The following PLB1 variants were observed in gnomAD, a reference collection of about 807,000 sequenced individuals.
The protein encoded by PLB1 is phospholipase B1, also known as phospholipase B1, membrane-associated.
PLB1 carries 242 observed loss-of-function variants against 227.4 expected under a neutral mutation model. The observed-to-expected ratio is 1.06, with a 90% CI of 0.96 to 1.18. The LOEUF is 1.18. Ranked by LOEUF, PLB1 falls within the 50% of genes most tolerant of loss-of-function variation. The probability of loss-of-function intolerance (pLI) is 0.00; values close to 1 mark genes in which losing one functional copy is unlikely to be tolerated. For missense variants in PLB1, 1,858 were observed against 1,816.3 expected, an observed-to-expected ratio of 1.02 and a Z score of -0.42; for synonymous variants, 757 against 682.2, an observed-to-expected ratio of 1.11 and a Z score of -1.71.
rs577106663 is a variant in PLB1, at chr2:28,584,325, A to G, written c.1734-1436A>G. Among the ~76,000 whole-genome samples the G allele has an allele frequency of 2.0e-5, 3 of 152,322 alleles. No homozygotes were observed. The South Asian group carries it at 6.2e-4, about 32-fold the overall frequency. On this transcript the variant is annotated intron_variant, in intron 25 of 57. Transcript: ENST00000327757. ...GACCCAAACCGCACAGGTCCCCTGG[A>G]GAAGGCCTCACGGTGCTGTGAGCAG...
chr2:28,546,822 C>G (rs933779843), intron 14 of PLB1, among the ~76,000 whole-genome samples: 3 of 152,074 alleles, frequency 2.0e-5, no homozygotes, highest in Non-Finnish European at 2.9e-5. Context: ...AAAATAGACT[C>G]TGCTTTATCC....
chr2:28,611,409 G>A (rs1413297629), intron 43 of PLB1, among the ~76,000 whole-genome samples: 1 of 152,202 alleles, frequency 6.6e-6, no homozygotes, highest in Non-Finnish European at 1.5e-5. Context: ...CCTAAGCTGA[G>A]TCTGGGCTCC....
Position 28,496,123 on chromosome 2 carries a change from G to A in PLB1, c.9G>A (p.Leu3=). 1 of 1,614,106 alleles carries A rather than the reference G, an allele frequency of 6.2e-7. No individual in the cohort carries two copies. Among genetic ancestry groups the A allele is most frequent in the Non-Finnish European group, 8.5e-7 (1 of 1,180,006 alleles). MG[L]RPGIFLLELL... is the part of the protein sequence containing the mutation. ...ACCTGGAGCATTCTGGCATGGGGCTGCGGCCAGGCATTTTCCTCCTGGAGC... is the reference window on the plus strand; with the variant it reads ...ACCTGGAGCATTCTGGCATGGGGCTACGGCCAGGCATTTTCCTCCTGGAGC... The change falls in exon 1 of 58, where the codon CTG becomes CTA. Residue 3 remains leucine, a synonymous_variant. Coordinates refer to ENST00000327757, the MANE Select transcript of PLB1 (RefSeq NM_153021.5).
intron 56 of PLB1, among the ~76,000 whole-genome samples, chr2:28,637,333 CAAT>C (rs1382027113): frequency 6.9e-6 from 1 of 144,590 alleles, no homozygotes; most frequent in Admixed American, 6.8e-5. Context: ...ACTTGAAAAA[CAAT>C]ATCAGTGCCT....
At chr2:28,561,992 A>G (rs1676127599) in intron 17 of PLB1, among the ~76,000 whole-genome samples, 1 of 152,218 alleles carries the variant, frequency 6.6e-6, no homozygotes, top group African/African-American at 2.4e-5. Flanking sequence ...GTCACATATT[A>G]TATGATTCTA....
At chr2:28,534,583 C>T (rs1157622839) in intron 9 of PLB1, among the ~76,000 whole-genome samples, 7 of 152,160 alleles carry the variant, frequency 4.6e-5, no homozygotes, top group Admixed American at 4.6e-4. Flanking sequence ...GAGCTGGGCG[C>T]GGTGGCTCAC....
chr2:28,634,808 G>A lies in PLB1; in HGVS notation c.4098+1769G>A, dbSNP rs1184047578. Among the ~76,000 whole-genome samples, 8 of 152,262 alleles carry A rather than the reference G, an allele frequency of 5.3e-5. No homozygotes were observed. The South Asian group carries it at 1.5e-3, about 28-fold the overall frequency. ...TGCCTGTAGTCCCAGCTGCTCAGAA[G>A]GCTGACGTGAGAAGATCACTTGAGC... On this transcript the variant is annotated intron_variant, in intron 56 of 57. Coordinates refer to ENST00000327757, the MANE Select transcript of PLB1 (RefSeq NM_153021.5).
chr2:28,569,149 G>A (rs1677570203), intron 20 of PLB1, among the ~76,000 whole-genome samples: 1 of 152,196 alleles, frequency 6.6e-6, no homozygotes, highest in African/African-American at 2.4e-5. Flanking sequence ...GGGCCCTAAA[G>A]TCCTGGCTGC....
Position 28,552,915 on chromosome 2 carries a change from T to C in PLB1, c.1084-13T>C. 1 of 1,612,678 alleles carries C rather than the reference T, an allele frequency of 6.2e-7. No individual in the cohort carries two copies. The highest frequency in any genetic ancestry group is 8.5e-7 in the Non-Finnish European group (1 of 1,178,636). On this transcript the variant is annotated splice_polypyrimidine_tract_variant and intron_variant, in intron 16 of 57. Transcript: ENST00000327757. ...AATCCATTTTCCTTATTTCCCTGTG[T>C]GTCTCATTTCAGGTAAGAGAAGGAG...
intron 33 of PLB1, chr2:28,594,119 T>G (rs1009028953): frequency 3.7e-6 from 2 of 542,678 alleles, no homozygotes; most frequent in African/African-American, 3.8e-5. Context: ...GTTTACTGTC[T>G]TTATGTGTTT....
chr2:28,624,800 C>CT (rs1333861417), intron 49 of PLB1, among the ~76,000 whole-genome samples: 3 of 250 alleles, frequency 0.012, no homozygotes, highest in East Asian at 0.11. Flanking sequence ...AAGGGAAAGT[C>CT]CTGAGGGGAG....
chr2:28,582,343 C>A, intron 24 of PLB1, 62 bp from the exon 25 acceptor site: 1 of 1,469,222 alleles, frequency 6.8e-7, no homozygotes, highest in Non-Finnish European at 9.4e-7. Context: ...GAGCAGGCCC[C>A]AAACCGAGGT....
At chr2:28,519,879 T>C (rs888803809) in intron 4 of PLB1, 116 bp downstream of exon 4, 1 of 567,778 alleles carries the variant, frequency 1.8e-6, no homozygotes, top group South Asian at 3.3e-5. Flanking sequence ...TCATGTGAAC[T>C]AGATAAATCC....
At chr2:28,603,834 C>T in intron 39 of PLB1, 132 bp from the exon 40 acceptor site, 1 of 788,936 alleles carries the variant, frequency 1.3e-6, no homozygotes. Context: ...GCGCCAGAGC[C>T]TCAAGGCTTG....
intron 44 of PLB1, 21 bp downstream of exon 44, chr2:28,614,117 G>T: frequency 6.3e-7 from 1 of 1,593,882 alleles, no homozygotes; most frequent in Non-Finnish European, 8.6e-7. Flanking sequence ...ACTCACATCT[G>T]CCTCTCTCAG....
intron 56 of PLB1, among the ~76,000 whole-genome samples, chr2:28,639,867 G>A (rs1456399946): frequency 6.6e-6 from 1 of 152,152 alleles, no homozygotes; most frequent in Admixed American, 6.5e-5. Context: ...AAACCAAGGT[G>A]TCAGGACAGG....
At chr2:28,562,994 C>A in intron 17 of PLB1, 47 bp from the exon 18 acceptor site, 1 of 1,547,742 alleles carries the variant, frequency 6.5e-7, no homozygotes, top group Non-Finnish European at 8.9e-7. Flanking sequence ...GGGTCCAGTG[C>A]TTTCCTGGAA....
intron 6 of PLB1, among the ~76,000 whole-genome samples, chr2:28,526,600 A>G (rs1670294038): frequency 6.6e-6 from 1 of 152,158 alleles, no homozygotes; most frequent in South Asian, 2.1e-4. Flanking sequence ...AAGTCCTTTA[A>G]CAGCAGCTGG....
intron 9 of PLB1, among the ~76,000 whole-genome samples, chr2:28,537,796 A>AG (rs1380453588): frequency 2.0e-5 from 3 of 151,966 alleles, no homozygotes; most frequent in African/African-American, 7.3e-5. Flanking sequence ...CTCAGGTGGC[A>AG]GGACCCACTC....
Sources: allele counts gnomAD v4.1 joint callset (sites outside exome capture counted in the v4.1 genomes callset), GRCh38; gene constraint gnomAD v4.1.1; transcripts MANE v1.5; gene names NCBI Gene and HGNC (gene_info 2026-07-23, HGNC 2026-07-21).